ANK2: variants seen among roughly 807,000 people sequenced by gnomAD.
ANK2 encodes the protein ankyrin 2.
Under a neutral mutation model 360.5 loss-of-function variants are expected in ANK2, and 83 were observed. The ratio of observed to expected loss-of-function variants is 0.23; its 90% CI spans 0.19 to 0.28. ANK2 has a LOEUF of 0.28. Ranked by LOEUF, ANK2 falls within the 10% of genes least tolerant of loss-of-function variation. ANK2 has a pLI of 1.00. For synonymous variants in ANK2, 1,740 were observed against 1,759.5 expected (o/e 0.99, Z 0.28); for missense variants, 4,201 against 4,795.7 (o/e 0.88, Z 3.66).
chr4:113,356,373 AGAG>A lies in ANK2; in HGVS notation c.7759_7761del (p.Glu2587del). The A allele has an allele frequency of 1.2e-6, 2 of 1,614,152 alleles. No individual in the cohort carries two copies. Among genetic ancestry groups the A allele is most frequent in the South Asian group, 2.2e-5 (2 of 91,086 alleles). On this transcript the variant is annotated inframe_deletion, in exon 38 of 46. Transcript: ENST00000357077. ...GGGAGAAAAAGAGGTTCACACCTGA[AGAG>A]GAGATGTTTAAAATGGTAACCAAAA... is the stretch of plus-strand genomic sequence containing the variant.
At chr4:112,789,104 G>C in the ANK2 span, among the ~76,000 whole-genome samples, 4 of 151,992 alleles carry the variant, frequency 2.6e-5, no homozygotes, top group Non-Finnish European at 5.9e-5. Context: ...ATACTTATTT[G>C]CAAGAAAATA....
At chr4:113,248,540 A>G (rs1341090635) in intron 9 of ANK2, among the ~76,000 whole-genome samples, 1 of 152,088 alleles carries the variant, frequency 6.6e-6, no homozygotes, top group Admixed American at 6.6e-5. Context: ...TGCCCCCTAC[A>G]GTGGCCAGTC....
intron 1 of ANK2, among the ~76,000 whole-genome samples, chr4:112,894,791 A>G (rs1413122547): frequency 6.6e-6 from 1 of 152,178 alleles, no homozygotes; most frequent in South Asian, 2.1e-4. Flanking sequence ...GAAGTTTGTT[A>G]TATTTTAGCT....
intron 1 of ANK2, among the ~76,000 whole-genome samples, chr4:112,879,322 A>G (rs1201375996): frequency 6.6e-6 from 1 of 152,176 alleles, no homozygotes; most frequent in Middle Eastern, 3.2e-3. Context: ...CTCTTGGACC[A>G]CTAGCTCTGG....
intron 2 of ANK2, among the ~76,000 whole-genome samples, chr4:112,915,435 T>C (rs2089415798): frequency 6.6e-6 from 1 of 152,262 alleles, no homozygotes; most frequent in South Asian, 2.1e-4. Flanking sequence ...TTTTAAAGAC[T>C]GGTAGCAAGA....
chr4:112,847,040 T>C (rs1474250560), intron 1 of ANK2, among the ~76,000 whole-genome samples: 1 of 152,194 alleles, frequency 6.6e-6, no homozygotes, highest in African/African-American at 2.4e-5. Context: ...ATATGTAGCT[T>C]CAAGAGAGGC....
chr4:112,801,748 G>A, the ANK2 span, among the ~76,000 whole-genome samples: 1 of 152,280 alleles, frequency 6.6e-6, no homozygotes, highest in South Asian at 2.1e-4. Context: ...GATTGTGAGG[G>A]TAAGAGATGA....
chr4:112,810,621 A>G, the ANK2 span, among the ~76,000 whole-genome samples: 1 of 151,772 alleles, frequency 6.6e-6, no homozygotes, highest in Non-Finnish European at 1.5e-5. Flanking sequence ...GTGCAATCTC[A>G]GCTCACCGCA....
At chr4:112,853,882 T>A (rs2065659992) in intron 1 of ANK2, among the ~76,000 whole-genome samples, 1 of 152,184 alleles carries the variant, frequency 6.6e-6, no homozygotes, top group South Asian at 2.1e-4. Context: ...ATAAATGCAT[T>A]AAACATACAT....
the ANK2 span, among the ~76,000 whole-genome samples, chr4:112,806,760 G>A: frequency 3.9e-5 from 6 of 152,146 alleles, no homozygotes; most frequent in Admixed American, 6.5e-5. Context: ...GGCCCAGGGA[G>A]GCTGAGGTTG....
chr4:112,965,649 G>A (rs2036912024), intron 2 of ANK2, among the ~76,000 whole-genome samples: 1 of 152,032 alleles, frequency 6.6e-6, no homozygotes, highest in African/African-American at 2.4e-5. Context: ...TTTCATATAT[G>A]GTGAGAGATA....
At chr4:112,867,882 T>C (rs540976612) in intron 1 of ANK2, among the ~76,000 whole-genome samples, 7 of 152,342 alleles carry the variant, frequency 4.6e-5, no homozygotes, top group African/African-American at 1.7e-4. Context: ...AATTTTCATG[T>C]GGACATAACA....
At chr4:113,148,048 A>G (rs1176926435) in intron 1 of ANK2, among the ~76,000 whole-genome samples, 2 of 152,180 alleles carry the variant, frequency 1.3e-5, no homozygotes, top group Non-Finnish European at 2.9e-5. Flanking sequence ...TGCCTTACAG[A>G]CTTTGCCCTG....
Position 112,951,436 on chromosome 4 carries a change from A to G in ANK2, c.21+46922A>G, listed in dbSNP as rs139403903. ...AAAAAAGGTTTTTAAAAAGATCATA[A>G]TTTCCTTTTCCAGTGTTATTTAATG... On this transcript the variant is annotated intron_variant, in intron 2 of 30. Coordinates refer to the ANK2 transcript ENST00000503271. Among the ~76,000 whole-genome samples the G allele has an allele frequency of 1.6e-3, 251 of 152,368 alleles. 1 individual carries two copies. Among genetic ancestry groups the G allele is most frequent in the Non-Finnish European group, 3.0e-3 (207 of 68,034 alleles).
At chr4:112,759,082 G>T in the ANK2 span, among the ~76,000 whole-genome samples, 7 of 151,826 alleles carry the variant, frequency 4.6e-5, no homozygotes, top group Admixed American at 3.9e-4. Context: ...TTCTATTTTT[G>T]ATTTTCATTT....
At chr4:113,196,119 T>TA (rs951193597) in intron 2 of ANK2, among the ~76,000 whole-genome samples, 1 of 152,204 alleles carries the variant, frequency 6.6e-6, no homozygotes, top group African/African-American at 2.4e-5. Context: ...TTTCTTCGTT[T>TA]AAAAAAACTG....
chr4:113,155,295 T>C (rs2097244121), intron 1 of ANK2, among the ~76,000 whole-genome samples: 1 of 152,186 alleles, frequency 6.6e-6, no homozygotes, highest in Non-Finnish European at 1.5e-5. Context: ...ATACATTTTA[T>C]ATACTAGGAA....
intron 1 of ANK2, among the ~76,000 whole-genome samples, chr4:113,098,990 G>A (rs958702135): frequency 6.6e-6 from 1 of 151,808 alleles, no homozygotes; most frequent in Admixed American, 6.6e-5. Context: ...AGAAAACTAG[G>A]AACTGAGGGG....
intron 1 of ANK2, chr4:112,827,366 A>G (rs1377163537): frequency 2.0e-5 from 27 of 1,349,420 alleles, no homozygotes; most frequent in Non-Finnish European, 2.8e-5. Context: ...CAGATACAGC[A>G]TAGAGATGCT....
Sources: allele counts gnomAD v4.1 joint callset (sites outside exome capture counted in the v4.1 genomes callset), GRCh38; gene constraint gnomAD v4.1.1; transcripts MANE v1.5; gene names NCBI Gene and HGNC (gene_info 2026-07-23, HGNC 2026-07-21).